Variants in ARMC2 observed in about 807,000 individuals in gnomAD.
ARMC2 encodes armadillo repeat containing 2, also known as armadillo repeat-containing protein 2.
Under a neutral mutation model 90.3 loss-of-function variants are expected in ARMC2, and 67 were observed. That is an observed-to-expected ratio of 0.74 (90% CI 0.61 to 0.91). The LOEUF (loss-of-function observed/expected upper bound fraction) is 0.91, where lower values mean the gene tolerates loss of function less well. ARMC2 is among the 40% of genes least tolerant of loss of function. The pLI, the probability that ARMC2 is intolerant of heterozygous loss-of-function variation, is 0.00. For synonymous variants in ARMC2, 393 were observed against 393.0 expected (o/e 1.00, Z 0.00); for missense variants, 920 against 1,030.9 (o/e 0.89, Z 1.47).
chr6:109,031,416 A>G, the ARMC2 span, among the ~76,000 whole-genome samples: 20 of 152,274 alleles, frequency 1.3e-4, no homozygotes, highest in African/African-American at 4.6e-4. Flanking sequence ...CCAGCCTCAC[A>G]CCACCACCAA....
the ARMC2 span, among the ~76,000 whole-genome samples, chr6:109,052,798 A>G: frequency 2.6e-3 from 397 of 152,136 alleles, 5 homozygotes; most frequent in African/African-American, 9.0e-3. Flanking sequence ...GAGACAGAAT[A>G]TTCCTTTAGT....
At chr6:108,917,063 G>T (rs1407661153) in intron 10 of ARMC2, among the ~76,000 whole-genome samples, 4 of 152,130 alleles carry the variant, frequency 2.6e-5, no homozygotes, top group Non-Finnish European at 2.9e-5. Context: ...ACTTGAACTT[G>T]CATGCCTATT....
chr6:109,004,655 C>A, the ARMC2 span, among the ~76,000 whole-genome samples: 2 of 152,266 alleles, frequency 1.3e-5, 1 homozygote, highest in East Asian at 3.9e-4. Flanking sequence ...TGGTCTCAAT[C>A]TCCTGACCTC....
intron 12 of ARMC2, among the ~76,000 whole-genome samples, chr6:108,946,005 G>A (rs991232881): frequency 3.3e-5 from 5 of 152,206 alleles, no homozygotes; most frequent in South Asian, 2.1e-4. Flanking sequence ...CATTCCCAGC[G>A]GGTGCTGAGA....
the ARMC2 span, among the ~76,000 whole-genome samples, chr6:109,017,897 G>A: frequency 6.6e-6 from 1 of 152,112 alleles, no homozygotes. Context: ...GAGGCACAGT[G>A]GCTCAATGCC....
chr6:108,984,961 C>T, the ARMC2 span, among the ~76,000 whole-genome samples: 6 of 152,082 alleles, frequency 3.9e-5, no homozygotes, highest in African/African-American at 7.2e-5. Context: ...GTTAACTCAG[C>T]GTCTCTGGGA....
intron 4 of ARMC2, among the ~76,000 whole-genome samples, chr6:108,871,389 C>G (rs567185433): frequency 1.3e-4 from 20 of 152,076 alleles, no homozygotes; most frequent in African/African-American, 4.3e-4. Context: ...ACGCTCCCCC[C>G]GCAACCCGAG....
intron 3 of ARMC2, among the ~76,000 whole-genome samples, chr6:108,864,400 C>A (rs746671419): frequency 6.6e-6 from 1 of 152,008 alleles, no homozygotes; most frequent in Admixed American, 6.6e-5. Flanking sequence ...AGGCGCCCAC[C>A]ACCATGCCCA....
At chr6:108,985,823 G>C in the ARMC2 span, among the ~76,000 whole-genome samples, 1 of 152,232 alleles carries the variant, frequency 6.6e-6, no homozygotes, top group African/African-American at 2.4e-5. Context: ...GAGGACAAAG[G>C]CATGATGCAT....
intron 3 of ARMC2, among the ~76,000 whole-genome samples, chr6:108,868,432 G>A (rs2128428353): frequency 6.6e-6 from 1 of 152,228 alleles, no homozygotes; most frequent in East Asian, 1.9e-4. Flanking sequence ...GGTAAGGCTG[G>A]TCTTGAACTC....
intron 10 of ARMC2, among the ~76,000 whole-genome samples, chr6:108,918,230 T>C (rs1774179080): frequency 6.6e-6 from 1 of 151,694 alleles, no homozygotes; most frequent in South Asian, 2.1e-4. Context: ...GAAAAGGAAG[T>C]GACTAGGAAA....
At chr6:108,961,732 A>C in intron 14 of ARMC2, 38 bp downstream of exon 14, 1 of 1,544,626 alleles carries the variant, frequency 6.5e-7, no homozygotes, top group Non-Finnish European at 8.7e-7. Flanking sequence ...ATGAGTGCTC[A>C]TTTGAAGTTT....
chr6:108,957,153 A>T (rs1250267307), intron 13 of ARMC2, among the ~76,000 whole-genome samples: 2 of 152,210 alleles, frequency 1.3e-5, no homozygotes, highest in Non-Finnish European at 2.9e-5. Flanking sequence ...TGCCTTAGGC[A>T]GTTGTTTGGG....
chr6:109,001,153 AAC>A, the ARMC2 span: 2 of 773,764 alleles, frequency 2.6e-6, no homozygotes, highest in Non-Finnish European at 2.0e-6. Context: ...AAATAGGAAA[AAC>A]AGAGACTGTG....
chr6:108,869,561 T>G (rs1413652026), intron 4 of ARMC2, among the ~76,000 whole-genome samples: 1 of 152,220 alleles, frequency 6.6e-6, no homozygotes, highest in Non-Finnish European at 1.5e-5. Context: ...ATGGTTCATG[T>G]ATATTAGAAA....
At chr6:108,882,194 T>C (rs1005939313) in intron 5 of ARMC2, among the ~76,000 whole-genome samples, 6 of 151,700 alleles carry the variant, frequency 4.0e-5, no homozygotes, top group Non-Finnish European at 8.8e-5. Context: ...CCCAACACTT[T>C]GGGAGGCCGA....
chr6:109,010,041 A>G, the ARMC2 span, among the ~76,000 whole-genome samples: 4 of 152,206 alleles, frequency 2.6e-5, no homozygotes, highest in Admixed American at 1.3e-4. Context: ...ACTTTGGCCT[A>G]TAATCAATGC....
intron 11 of ARMC2, among the ~76,000 whole-genome samples, chr6:108,931,456 G>A (rs1775559183): frequency 6.6e-6 from 1 of 151,850 alleles, no homozygotes; most frequent in South Asian, 2.1e-4. Context: ...GGATTGCTGG[G>A]TTAAATGGTA....
intron 10 of ARMC2, among the ~76,000 whole-genome samples, chr6:108,921,364 A>G (rs2128480691): frequency 6.6e-6 from 1 of 152,376 alleles, no homozygotes; most frequent in African/African-American, 2.4e-5. Context: ...TAAGGAGGAC[A>G]GAAGCATTTC....
Sources: gnomAD v4.1 joint callset for allele counts (sites outside exome capture counted in the v4.1 genomes callset) on GRCh38, gnomAD v4.1.1 for gene constraint, MANE v1.5 for transcripts, NCBI Gene and HGNC (gene_info 2026-07-23, HGNC 2026-07-21) for gene names.